IQCE: variants seen among roughly 807,000 people sequenced by gnomAD.
IQCE encodes the protein IQ motif containing E.
IQCE carries 115 observed loss-of-function variants against 96.0 expected under a neutral mutation model. The ratio of observed to expected loss-of-function variants is 1.20; its 90% CI spans 1.03 to 1.40. The LOEUF is 1.40. Among genes scored for constraint, IQCE ranks in the 40% most tolerant of loss-of-function variants. IQCE has a pLI of 0.00. For synonymous variants in IQCE, 412 were observed against 371.2 expected, an observed-to-expected ratio of 1.11 and a Z score of -1.26; for missense variants, 1,041 against 909.1, an observed-to-expected ratio of 1.15 and a Z score of -1.87.
chr7:2,572,831 A>G, intron 5 of IQCE: 1 of 439,130 alleles, frequency 2.3e-6, no homozygotes, highest in Admixed American at 2.6e-5. Context: ...GGCATGAGCC[A>G]CCGTGCCCGG....
intron 2 of IQCE, among the ~76,000 whole-genome samples, chr7:2,567,953 T>G (rs1441797926): frequency 1.3e-5 from 2 of 151,690 alleles, no homozygotes; most frequent in African/African-American, 2.4e-5. Flanking sequence ...CAGGGAAAAT[T>G]CCCCCCGCGC....
At chr7:2,597,261 C>G (rs13225918) in intron 16 of IQCE, 154,761 of 396,758 alleles carry the variant, frequency 0.39, 31,096 homozygotes, top group Non-Finnish European at 0.43. Flanking sequence ...GAAACACTGC[C>G]TTCTGGAGTG....
In IQCE at chr7:2,559,019, T is replaced by C; in HGVS notation, c.-163T>C. 1 of 365,690 alleles carries C rather than the reference T, an allele frequency of 2.7e-6. No homozygotes were observed. Among genetic ancestry groups the C allele is most frequent in the Non-Finnish European group, 4.7e-6 (1 of 212,154 alleles). The allele number at this position is 365,690 out of a possible 1,614,324, so 22.7% of individuals were successfully genotyped here. On this transcript the variant is annotated 5_prime_UTR_variant, in exon 1 of 22. Transcript: ENST00000402050. The stretch of plus-strand genomic sequence containing the variant: ...CGCCCCAGGGGGAACGCAGGTCGCT[T>C]ACCCGGCTGGGTAGGTCGGCGGCCT...
At chr7:2,584,395 G>A (rs1436134062) in intron 11 of IQCE, 110 bp downstream of exon 11, 13 of 1,001,606 alleles carry the variant, frequency 1.3e-5, no homozygotes, top group Admixed American at 5.1e-5. Context: ...CCCTTAGCTT[G>A]GCAGTGCTGC....
intron 11 of IQCE, 187 bp downstream of exon 11, chr7:2,584,472 C>T (rs1782943522): frequency 7.8e-6 from 5 of 644,914 alleles, no homozygotes; most frequent in East Asian, 2.7e-5. Context: ...TCACAGACTC[C>T]TCATAGTGAC....
intron 17 of IQCE, among the ~76,000 whole-genome samples, chr7:2,599,061 G>T (rs748717208): frequency 6.6e-6 from 1 of 152,102 alleles, no homozygotes; most frequent in Non-Finnish European, 1.5e-5. Context: ...TCTGTTTCCC[G>T]CCAGCATTCG....
At chr7:2,564,839 C>T (rs1442949256) in intron 1 of IQCE, among the ~76,000 whole-genome samples, 1 of 152,094 alleles carries the variant, frequency 6.6e-6, no homozygotes, top group Non-Finnish European at 1.5e-5. Flanking sequence ...GTTTTTCTAA[C>T]TCCTCGTTGA....
chr7:2,571,768 T>G, intron 4 of IQCE, 114 bp downstream of exon 4: 1 of 1,185,794 alleles, frequency 8.4e-7, no homozygotes, highest in Non-Finnish European at 1.2e-6. Context: ...ACATTGTCTT[T>G]AGTTTTCTCG....
intron 14 of IQCE, 140 bp from the exon 15 acceptor site, chr7:2,592,882 G>T (rs1274083948): frequency 6.0e-6 from 5 of 836,152 alleles, no homozygotes; most frequent in Non-Finnish European, 9.2e-6. Context: ...GATTAGAAAT[G>T]GGCCTTTTGT....
intron 20 of IQCE, 97 bp from the exon 21 acceptor site, chr7:2,607,027 A>C: frequency 1.8e-6 from 2 of 1,121,516 alleles, no homozygotes; most frequent in Non-Finnish European, 2.5e-6. Context: ...TCATTGGAAT[A>C]CTTGCCTCCA....
At chr7:2,567,228 T>A in intron 2 of IQCE, 65 bp downstream of exon 2, 3 of 1,285,572 alleles carry the variant, frequency 2.3e-6, no homozygotes, top group Non-Finnish European at 3.4e-6. Flanking sequence ...CAGACTGCAC[T>A]CGGAAGCGTA....
At chr7:2,591,219 T>C (rs949308484) in intron 14 of IQCE, among the ~76,000 whole-genome samples, 2 of 151,470 alleles carry the variant, frequency 1.3e-5, no homozygotes, top group African/African-American at 2.4e-5. Context: ...TACCACTGCA[T>C]GCCAGCCTGG....
Position 2,611,332 on chromosome 7 carries a change from TG to T in IQCE, c.*1172del, listed in dbSNP as rs1435575725. 6.6e-6 allele frequency: 1 copy of T among 152,276 alleles called. No homozygotes were observed. The highest frequency in any genetic ancestry group is 1.5e-5 in the Non-Finnish European group (1 of 68,086). The allele number at this position is 152,276 out of a possible 1,614,324, so 9.4% of individuals were successfully genotyped here. Reference sequence around the variant, plus strand: ...TCTAGACCCCTGCACAGCCCAGGCCTGGTGTCTGCATTTCCACAGCACCCCT... The same window carrying T: ...TCTAGACCCCTGCACAGCCCAGGCCTGTGTCTGCATTTCCACAGCACCCCT... On this transcript the variant is annotated 3_prime_UTR_variant, in exon 22 of 22. Coordinates refer to ENST00000402050, the MANE Select transcript of IQCE (RefSeq NM_152558.5).
intron 15 of IQCE, among the ~76,000 whole-genome samples, chr7:2,593,821 G>C (rs1313311381): frequency 6.6e-6 from 1 of 152,224 alleles, no homozygotes; most frequent in Non-Finnish European, 1.5e-5. Context: ...TTGTGAAGAT[G>C]CTAGAATTCA....
chr7:2,593,133 G>A lies in IQCE; in HGVS notation c.1349+7G>A, dbSNP rs758109232. 1 of 1,608,170 alleles carries A rather than the reference G, an allele frequency of 6.2e-7. No individual in the cohort carries two copies. The highest frequency in any genetic ancestry group is 8.5e-7 in the Non-Finnish European group (1 of 1,175,782). ...AGCGAGAGGAGGTTTTGAGGTATGT[G>A]ACCCGGGTCAGGGCTGGAGAGGACC... On this transcript the variant is annotated splice_region_variant and intron_variant, in intron 15 of 21. Transcript: ENST00000402050.
intron 1 of IQCE, chr7:2,566,455 G>GT (rs57757976): frequency 0.12 from 12,783 of 109,860 alleles, 888 homozygotes; most frequent in Non-Finnish European, 0.16. Flanking sequence ...GTTGGTTTTC[G>GT]TTTTTTTTTT....
intron 6 of IQCE, among the ~76,000 whole-genome samples, chr7:2,576,723 C>A (rs1291034127): frequency 1.3e-5 from 2 of 152,138 alleles, no homozygotes; most frequent in Admixed American, 1.3e-4. Context: ...TTTTTTGTCC[C>A]CACTCACGTC....
Position 2,590,051 on chromosome 7 carries a change from G to C in IQCE, c.1189G>C (p.Val397Leu). 6.2e-7 allele frequency: 1 copy of C among 1,613,648 alleles called. No individual in the cohort carries two copies. The highest frequency in any genetic ancestry group is 8.5e-7 in the Non-Finnish European group (1 of 1,179,946). ...GGACCACGAGCGTCTCCGAGGGGCT[G>C]TGAGAGACCTGAAGGAAGAGCGGAC... ...NKDHERLRGA[V>L]RDLKEERTAL... is the part of the protein sequence containing the mutation. Residue 397 changes from valine (V) to leucine (L), a missense_variant, in exon 14 of 22, where the codon GTG (valine) becomes CTG (leucine). By Grantham distance (32) the Val-to-Leu change is conservative. Transcript: ENST00000402050.
rs1481086740 is a variant in IQCE at position 2,584,250 on chromosome 7, G to T, written c.789G>T (p.Gln263His). 1 of 1,614,082 alleles carries T rather than the reference G, an allele frequency of 6.2e-7. No individual in the cohort carries two copies. Among genetic ancestry groups the T allele is most frequent in the Non-Finnish European group, 8.5e-7 (1 of 1,179,914 alleles). Residue 263 changes from glutamine (Q) to histidine (H), a missense_variant, in exon 11 of 22, where the codon CAG becomes CAT. Gln to His is a conservative substitution (Grantham distance 24, BLOSUM62 0). Coordinates refer to ENST00000402050, the MANE Select transcript of IQCE (RefSeq NM_152558.5). ...ETYYEEVHRL[Q>H]TLLASSETTG... The stretch of plus-strand genomic sequence containing the variant: ...GGTATTTACAGGTGCATCGTCTCCA[G>T]ACCCTCTTGGCAAGTTCTGAAACCA...
Sources: gnomAD v4.1 joint callset for allele counts (sites outside exome capture counted in the v4.1 genomes callset) on GRCh38, gnomAD v4.1.1 for gene constraint, MANE v1.5 for transcripts, NCBI Gene and HGNC (gene_info 2026-07-23, HGNC 2026-07-21) for gene names.